The following DLC1 variants were observed in gnomAD, a reference collection of about 807,000 sequenced individuals.
The protein encoded by DLC1 is DLC1 Rho GTPase activating protein.
Under a neutral mutation model 140.3 loss-of-function variants are expected in DLC1, and 54 were observed. The ratio of observed to expected loss-of-function variants is 0.38; its 90% CI spans 0.31 to 0.48. The LOEUF (loss-of-function observed/expected upper bound fraction) is 0.48, where lower values mean the gene tolerates loss of function less well. Ranked by LOEUF, DLC1 falls within the 20% of genes least tolerant of loss-of-function variation. DLC1 has a pLI of 0.96. For synonymous variants in DLC1, 986 were observed against 728.1 expected (o/e 1.35, Z -5.70); for missense variants, 2,536 against 1,907.0 (o/e 1.33, Z -6.14).
At chr8:13,203,589 G>C (rs1444068367) in intron 5 of DLC1, among the ~76,000 whole-genome samples, 1 of 152,186 alleles carries the variant, frequency 6.6e-6, no homozygotes, top group Non-Finnish European at 1.5e-5. Flanking sequence ...GGACAGAAGT[G>C]TTTTGATAGA....
At chr8:13,482,182 CA>C (rs1487612350) in intron 2 of DLC1, among the ~76,000 whole-genome samples, 73 of 152,046 alleles carry the variant, frequency 4.8e-4, no homozygotes, top group Non-Finnish European at 1.5e-4. Flanking sequence ...GTTAAATGAA[CA>C]AAGGAAATAC....
chr8:13,319,480 G>GGC (rs1832999314), intron 4 of DLC1, among the ~76,000 whole-genome samples: 1 of 104,880 alleles, frequency 9.5e-6, no homozygotes, highest in South Asian at 3.8e-4. Context: ...GGGGCGGGGG[G>GGC]GGGGGGTGGA....
intron 4 of DLC1, among the ~76,000 whole-genome samples, chr8:13,332,330 TC>T (rs1833624450): frequency 6.6e-6 from 1 of 152,160 alleles, no homozygotes; most frequent in Non-Finnish European, 1.5e-5. Context: ...TTCCCTGGTT[TC>T]AAGAAGTATA....
intron 1 of DLC1, among the ~76,000 whole-genome samples, chr8:13,582,731 C>T (rs1322319559): frequency 6.6e-6 from 1 of 150,956 alleles, no homozygotes; most frequent in African/African-American, 2.4e-5. Context: ...TCTAGAGAAC[C>T]CTGACTAATA....
At chr8:13,453,696 C>T (rs561664051) in intron 2 of DLC1, among the ~76,000 whole-genome samples, 1 of 149,332 alleles carries the variant, frequency 6.7e-6, no homozygotes, top group African/African-American at 2.5e-5. Context: ...ATGACTTTAG[C>T]CTGGCTAGGT....
rs376239817 is a variant in DLC1, at chr8:13,581,734, C to T, written c.-126+22803G>A. Among the ~76,000 whole-genome samples, 11 of 152,244 alleles carry T rather than the reference C, an allele frequency of 7.2e-5. No homozygotes were observed. The South Asian group carries it at 1.7e-3, about 23-fold the overall frequency. On this transcript the variant is annotated intron_variant, in intron 1 of 1. Transcript: ENST00000631382. Reference sequence around the variant, plus strand: ...GATTACTGGGCAGAATCTATTCTATCGCTTCCCATAGAATAACACCCAACC... The same window carrying T: ...GATTACTGGGCAGAATCTATTCTATTGCTTCCCATAGAATAACACCCAACC...
chr8:13,399,471 C>T (rs755973837), intron 3 of DLC1, among the ~76,000 whole-genome samples: 1 of 152,132 alleles, frequency 6.6e-6, no homozygotes, highest in Non-Finnish European at 1.5e-5. Context: ...CATGGTAGGA[C>T]TGTCAAGAGG....
chr8:13,412,931 CA>C (rs771025112), intron 2 of DLC1, among the ~76,000 whole-genome samples: 16,430 of 93,708 alleles, frequency 0.18, 755 homozygotes, highest in East Asian at 0.36. Context: ...GACTCCATCT[CA>C]AAAAAAAAAA....
chr8:13,256,618 C>G (rs778642135), intron 5 of DLC1, among the ~76,000 whole-genome samples: 2 of 152,048 alleles, frequency 1.3e-5, no homozygotes, highest in Non-Finnish European at 2.9e-5. Context: ...CAAACTAACA[C>G]AGGAACAGAA....
At chr8:13,132,737 C>A (rs1822217823) in intron 5 of DLC1, among the ~76,000 whole-genome samples, 1 of 152,206 alleles carries the variant, frequency 6.6e-6, no homozygotes, top group African/African-American at 2.4e-5. Flanking sequence ...AAGAGTCACT[C>A]CTCCAAAATT....
intron 1 of DLC1, among the ~76,000 whole-genome samples, chr8:13,581,461 G>C (rs1484253986): frequency 6.6e-6 from 1 of 152,078 alleles, no homozygotes; most frequent in East Asian, 1.9e-4. Flanking sequence ...CAACAATCTT[G>C]GTACTAAATT....
intron 3 of DLC1, among the ~76,000 whole-genome samples, chr8:13,400,439 G>A (rs1837243289): frequency 6.6e-6 from 1 of 152,120 alleles, no homozygotes; most frequent in Non-Finnish European, 1.5e-5. Flanking sequence ...TTTGAACTCA[G>A]ACCTTTACAC....
rs530322493 is a variant in DLC1, at chr8:13,128,614, C to T, written c.1349-12957G>A. Among the ~76,000 whole-genome samples the T allele has an allele frequency of 1.6e-4, 24 of 152,290 alleles. 1 individual carries two copies. The highest frequency in any genetic ancestry group is 5.1e-4 in the African/African-American group (21 of 41,574). ...TTGGGAGGCCGAGGCGGGCGGATCA[C>T]GAGGTCAGGAGATCCAGACCATCCT... On this transcript the variant is annotated intron_variant, in intron 5 of 17. Coordinates refer to ENST00000276297, the MANE Select transcript of DLC1 (RefSeq NM_182643.3).
intron 5 of DLC1, among the ~76,000 whole-genome samples, chr8:13,170,605 C>T (rs888195838): frequency 6.6e-6 from 1 of 151,882 alleles, no homozygotes; most frequent in Non-Finnish European, 1.5e-5. Flanking sequence ...TGGCGGGCAC[C>T]TGTAGTCCCA....
intron 1 of DLC1, among the ~76,000 whole-genome samples, chr8:13,537,295 C>G (rs1803314976): frequency 6.6e-6 from 1 of 152,164 alleles, no homozygotes; most frequent in Non-Finnish European, 1.5e-5. Flanking sequence ...CATTCAGGCC[C>G]TCCACAATAA....
chr8:13,226,926 C>T (rs1423951093), intron 5 of DLC1, among the ~76,000 whole-genome samples: 1 of 152,090 alleles, frequency 6.6e-6, no homozygotes, highest in Non-Finnish European at 1.5e-5. Flanking sequence ...TGGGTATAGA[C>T]TATGCTGGAA....
chr8:13,549,892 G>C (rs1803785430), intron 1 of DLC1, among the ~76,000 whole-genome samples: 1 of 152,056 alleles, frequency 6.6e-6, no homozygotes, highest in African/African-American at 2.4e-5. Context: ...TTCAAAAGTG[G>C]CTCTCCGGCT....
chr8:13,372,376 G>A (rs1835767609), intron 4 of DLC1, among the ~76,000 whole-genome samples: 1 of 152,132 alleles, frequency 6.6e-6, no homozygotes, highest in Non-Finnish European at 1.5e-5. Context: ...TGAGTAGCCT[G>A]TTTACAACCA....
At chr8:13,237,347 C>T (rs1473965020) in intron 5 of DLC1, among the ~76,000 whole-genome samples, 6 of 150,104 alleles carry the variant, frequency 4.0e-5, no homozygotes, top group African/African-American at 1.5e-4. Flanking sequence ...TATATACACA[C>T]ACACACGTAT....
Sources: gnomAD v4.1 joint callset for allele counts (sites outside exome capture counted in the v4.1 genomes callset) on GRCh38, gnomAD v4.1.1 for gene constraint, MANE v1.5 for transcripts, NCBI Gene and HGNC (gene_info 2026-07-23, HGNC 2026-07-21) for gene names.